The following NPAS3 variants were observed in gnomAD, a reference collection of about 807,000 sequenced individuals.
NPAS3 encodes neuronal PAS domain protein 3.
NPAS3 carries 14 observed loss-of-function variants against 73.1 expected under a neutral mutation model. The observed-to-expected ratio is 0.19, with a 90% confidence interval of 0.13 to 0.30. NPAS3 has a LOEUF of 0.30. Among genes scored for constraint, NPAS3 ranks in the 10% least tolerant of loss-of-function variants. The pLI, the probability that NPAS3 is intolerant of heterozygous loss-of-function variation, is 1.00. For missense variants in NPAS3, 1,096 were observed against 1,250.0 expected (o/e 0.88, Z 1.86); for synonymous variants, 620 against 541.5 (o/e 1.14, Z -2.01).
At chr14:33,714,003 G>A (rs536757374) in intron 6 of NPAS3, among the ~76,000 whole-genome samples, 6 of 151,986 alleles carry the variant, frequency 3.9e-5, no homozygotes, top group Non-Finnish European at 8.8e-5. Context: ...TATCCAAAAG[G>A]GTCACGACAT....
intron 6 of NPAS3, among the ~76,000 whole-genome samples, chr14:33,719,711 C>A (rs925204456): frequency 2.6e-5 from 4 of 152,138 alleles, no homozygotes; most frequent in Admixed American, 2.0e-4. Flanking sequence ...CAGCCTGTAC[C>A]ATTTGCCTTT....
intron 2 of NPAS3, among the ~76,000 whole-genome samples, chr14:33,176,632 T>C: frequency 6.6e-6 from 1 of 152,208 alleles, no homozygotes; most frequent in Non-Finnish European, 1.5e-5. Context: ...GATGGACACT[T>C]GGGTTCTTTC....
intron 6 of NPAS3, among the ~76,000 whole-genome samples, chr14:33,724,203 A>G (rs2061198508): frequency 6.6e-6 from 1 of 152,218 alleles, no homozygotes; most frequent in Non-Finnish European, 1.5e-5. Flanking sequence ...TCCTTAATAT[A>G]TATGTAGTTC....
intron 3 of NPAS3, among the ~76,000 whole-genome samples, chr14:33,266,104 G>T (rs992290311): frequency 6.6e-6 from 1 of 152,084 alleles, no homozygotes; most frequent in African/African-American, 2.4e-5. Flanking sequence ...TTATAAAAGT[G>T]TGATGTCCTT....
At chr14:33,025,397 AG>A (rs1463170455) in intron 1 of NPAS3, among the ~76,000 whole-genome samples, 3 of 152,214 alleles carry the variant, frequency 2.0e-5, no homozygotes, top group African/African-American at 7.2e-5. Flanking sequence ...AGCACACAGT[AG>A]GTATCAGTAT....
chr14:33,476,046 G>C (rs976007303), intron 4 of NPAS3, among the ~76,000 whole-genome samples: 1 of 152,172 alleles, frequency 6.6e-6, no homozygotes, highest in Non-Finnish European at 1.5e-5. Flanking sequence ...GTGCCTTACA[G>C]ACTCCCTAAA....
At chr14:33,003,682 A>C (rs2038890264) in intron 1 of NPAS3, among the ~76,000 whole-genome samples, 1 of 152,240 alleles carries the variant, frequency 6.6e-6, no homozygotes, top group Admixed American at 6.5e-5. Flanking sequence ...GAAGCTTTGC[A>C]ACAGTTGAAT....
chr14:33,613,828 C>G (rs2057829182), intron 5 of NPAS3, among the ~76,000 whole-genome samples: 1 of 152,168 alleles, frequency 6.6e-6, no homozygotes, highest in Admixed American at 6.5e-5. Flanking sequence ...GCTCACAAGT[C>G]TCTCTTATGA....
intron 1 of NPAS3, among the ~76,000 whole-genome samples, chr14:32,965,606 T>G (rs1464409220): frequency 6.6e-6 from 1 of 152,188 alleles, no homozygotes; most frequent in African/African-American, 2.4e-5. Flanking sequence ...AACATCGTAC[T>G]GAATGGGGAA....
chr14:33,428,600 G>A (rs2048651453), intron 4 of NPAS3, among the ~76,000 whole-genome samples: 1 of 152,110 alleles, frequency 6.6e-6, no homozygotes, highest in East Asian at 1.9e-4. Context: ...ATTAGGAAAT[G>A]TTCCTTTATG....
At chr14:33,764,961 A>G (rs2140849119) in intron 7 of NPAS3, among the ~76,000 whole-genome samples, 1 of 152,304 alleles carries the variant, frequency 6.6e-6, no homozygotes, top group South Asian at 2.1e-4. Context: ...TGTGGTTTAT[A>G]TCCTTGGCAT....
intron 2 of NPAS3, among the ~76,000 whole-genome samples, chr14:33,157,808 T>C (rs1199608961): frequency 1.3e-5 from 2 of 152,220 alleles, no homozygotes; most frequent in Non-Finnish European, 2.9e-5. Flanking sequence ...ACAAGTGACC[T>C]TGGCAAGCTA....
intron 3 of NPAS3, among the ~76,000 whole-genome samples, chr14:33,317,201 T>C (rs540355627): frequency 1.1e-3 from 170 of 152,216 alleles, no homozygotes; most frequent in African/African-American, 3.9e-3. Context: ...TTCAGTGCTA[T>C]TAATGATTGA....
At chr14:33,456,209 C>T (rs1224468284) in intron 4 of NPAS3, among the ~76,000 whole-genome samples, 1 of 151,944 alleles carries the variant, frequency 6.6e-6, no homozygotes, top group Non-Finnish European at 1.5e-5. Context: ...CATAATGTTC[C>T]ATGGAAAGGG....
chr14:32,945,300 G>A (rs1449855877), intron 1 of NPAS3, among the ~76,000 whole-genome samples: 1 of 152,128 alleles, frequency 6.6e-6, no homozygotes, highest in Non-Finnish European at 1.5e-5. Flanking sequence ...AAGTGAAATT[G>A]TAGTAAATTT....
intron 6 of NPAS3, among the ~76,000 whole-genome samples, chr14:33,679,204 ACT>A (rs1345947203): frequency 6.6e-6 from 1 of 152,090 alleles, no homozygotes; most frequent in Non-Finnish European, 1.5e-5. Context: ...GGTGAATGTG[ACT>A]CTCACCAGTA....
intron 2 of NPAS3, among the ~76,000 whole-genome samples, chr14:33,125,554 C>A (rs1287397359): frequency 6.6e-6 from 1 of 152,086 alleles, no homozygotes; most frequent in Admixed American, 6.6e-5. Context: ...CGTTACTCAC[C>A]TCTGAACTTT....
intron 4 of NPAS3, among the ~76,000 whole-genome samples, chr14:33,389,612 C>G (rs1407691465): frequency 1.3e-5 from 2 of 152,022 alleles, no homozygotes; most frequent in Admixed American, 6.6e-5. Flanking sequence ...GAGGTTGAAG[C>G]CACAATCTTA....
At chr14:33,286,625 T>C (rs2041886264) in intron 3 of NPAS3, among the ~76,000 whole-genome samples, 1 of 152,192 alleles carries the variant, frequency 6.6e-6, no homozygotes. Context: ...TTTCTTGCTA[T>C]TATAAGTGAT....
Sources: allele counts gnomAD v4.1 joint callset (sites outside exome capture counted in the v4.1 genomes callset), GRCh38; gene constraint gnomAD v4.1.1; transcripts MANE v1.5; gene names NCBI Gene and HGNC (gene_info 2026-07-23, HGNC 2026-07-21).